Variants in GALNT1 observed in about 807,000 individuals in gnomAD.
GALNT1 encodes GalNAc transferase 1.
In GALNT1, 17 loss-of-function variants were observed where a neutral mutation model predicts 65.7. The observed-to-expected ratio is 0.26, with a 90% CI of 0.18 to 0.39. The LOEUF (loss-of-function observed/expected upper bound fraction) is 0.39. GALNT1 is among the 10% of genes least tolerant of loss of function. The probability of loss-of-function intolerance (pLI) is 1.00; values close to 1 mark genes in which losing one functional copy is unlikely to be tolerated. For synonymous variants in GALNT1, 210 were observed against 219.7 expected (o/e 0.96, Z 0.39); for missense variants, 460 against 672.8 (o/e 0.68, Z 3.50).
At chr18:35,686,128 C>T (rs11659411) in intron 5 of GALNT1, among the ~76,000 whole-genome samples, 35,832 of 151,856 alleles carry the variant, frequency 0.24, 4,822 homozygotes, top group African/African-American at 0.36. Context: ...AAATATAATG[C>T]AAAAAGAAAA....
At chr18:35,663,051 G>A (rs116084989) in intron 2 of GALNT1, among the ~76,000 whole-genome samples, 1 of 152,288 alleles carries the variant, frequency 6.6e-6, no homozygotes, top group African/African-American at 2.4e-5. Flanking sequence ...AACCACTATA[G>A]AGAGATTCAG....
intron 3 of GALNT1, among the ~76,000 whole-genome samples, chr18:35,669,049 A>G (rs994028085): frequency 2.6e-5 from 4 of 152,100 alleles, no homozygotes; most frequent in Admixed American, 6.5e-5. Flanking sequence ...AGACCATCCT[A>G]GCTAACATGG....
chr18:35,674,764 A>C (rs1312045045), intron 3 of GALNT1, among the ~76,000 whole-genome samples: 1 of 152,132 alleles, frequency 6.6e-6, no homozygotes, highest in Admixed American at 6.5e-5. Context: ...TGGGCAGATC[A>C]CGAGGTCAGA....
intron 3 of GALNT1, among the ~76,000 whole-genome samples, chr18:35,671,293 TGCAGCC>T (rs1405269536): frequency 1.3e-5 from 2 of 152,186 alleles, no homozygotes; most frequent in Non-Finnish European, 2.9e-5. Flanking sequence ...CACAGCTGAC[TGCAGCC>T]TCAACCTCCT....
At chr18:35,659,155 C>G (rs2047440715) in intron 2 of GALNT1, among the ~76,000 whole-genome samples, 1 of 152,216 alleles carries the variant, frequency 6.6e-6, no homozygotes, top group Non-Finnish European at 1.5e-5. Flanking sequence ...TCTGAACGTT[C>G]TGCTTTACAG....
At chr18:35,618,138 T>A (rs1416543480) in intron 1 of GALNT1, among the ~76,000 whole-genome samples, 3 of 152,130 alleles carry the variant, frequency 2.0e-5, no homozygotes, top group Non-Finnish European at 2.9e-5. Context: ...CTGATTTTTC[T>A]TGTGCAATGA....
intron 3 of GALNT1, among the ~76,000 whole-genome samples, chr18:35,674,844 G>T (rs1217974966): frequency 6.6e-6 from 1 of 151,932 alleles, no homozygotes; most frequent in Non-Finnish European, 1.5e-5. Flanking sequence ...TTAGTCGGGC[G>T]TGGTGGCAGG....
chr18:35,592,843 A>T (rs2046460999), intron 1 of GALNT1, among the ~76,000 whole-genome samples: 1 of 152,084 alleles, frequency 6.6e-6, no homozygotes, highest in Non-Finnish European at 1.5e-5. Flanking sequence ...TTTCTTTATC[A>T]TCATATGTAT....
At chr18:35,648,247 G>T (rs2047261947) in intron 1 of GALNT1, among the ~76,000 whole-genome samples, 1 of 152,132 alleles carries the variant, frequency 6.6e-6, no homozygotes, top group Non-Finnish European at 1.5e-5. Context: ...CACAATTTAT[G>T]TGTAAGTATG....
intron 1 of GALNT1, among the ~76,000 whole-genome samples, chr18:35,641,804 T>C (rs543043561): frequency 1.3e-5 from 2 of 152,208 alleles, no homozygotes; most frequent in African/African-American, 2.4e-5. Flanking sequence ...ATTGAAAATA[T>C]GCATACTGTG....
chr18:35,707,819 G>C (rs903284174), intron 11 of GALNT1, among the ~76,000 whole-genome samples: 2 of 152,210 alleles, frequency 1.3e-5, no homozygotes, highest in African/African-American at 4.8e-5. Flanking sequence ...TGTTTGAGAG[G>C]TTCTCTTGTT....
rs546085643 is a variant in GALNT1, at chr18:35,669,038, A to G, written c.314+5236A>G. ...GGGCGGATCATGAGGTCAGGAGATC[A>G]AGACCATCCTAGCTAACATGGTGAA... On this transcript the variant is annotated intron_variant, in intron 3 of 11. Transcript: ENST00000269195. 3.3e-5 allele frequency among the ~76,000 whole-genome samples: 5 copies of G among 152,286 alleles called. No homozygotes were observed. The East Asian group carries it at 5.8e-4, about 18-fold the overall frequency.
At chr18:35,611,099 G>A (rs1380940649) in intron 1 of GALNT1, among the ~76,000 whole-genome samples, 1 of 152,174 alleles carries the variant, frequency 6.6e-6, no homozygotes, top group East Asian at 1.9e-4. Context: ...GCTGCTGTAG[G>A]TGGATGATTT....
chr18:35,675,050 A>G (rs1269327), intron 3 of GALNT1, among the ~76,000 whole-genome samples: 51,565 of 150,678 alleles, frequency 0.34, 9,802 homozygotes, highest in Middle Eastern at 0.52. Context: ...TCACTTGGGC[A>G]AGTGTGGAAG....
At chr18:35,583,519 A>T (rs75745704) in intron 1 of GALNT1, among the ~76,000 whole-genome samples, 2,081 of 152,260 alleles carry the variant, frequency 0.014, 42 homozygotes, top group African/African-American at 0.046. Flanking sequence ...TTCCTTTTCC[A>T]GCCATGTATC....
At position 35,599,852 on chromosome 18, in the gene GALNT1, A is replaced by G. The variant is rs544907216; in HGVS notation, c.-104+17990A>G. Among the ~76,000 whole-genome samples the G allele has an allele frequency of 5.3e-5, 8 of 152,166 alleles. No homozygotes were observed. In the South Asian group the frequency reaches 1.7e-3, roughly 32 times the overall value. The stretch of plus-strand genomic sequence containing the variant: ...GTTGGCTGTAAATGCGTGGATTTCT[A>G]TCTGGGTTCTGTATTCTGTTCCATT... On this transcript the variant is annotated intron_variant, in intron 1 of 11. Transcript: ENST00000269195.
At chr18:35,596,428 A>G (rs774976645) in intron 1 of GALNT1, 2 of 152,218 alleles carry the variant, frequency 1.3e-5, no homozygotes, top group Non-Finnish European at 2.9e-5. Flanking sequence ...CTATTGAACT[A>G]TAATAGAGTT....
At chr18:35,650,655 G>C (rs952822235) in intron 1 of GALNT1, among the ~76,000 whole-genome samples, 31 of 152,180 alleles carry the variant, frequency 2.0e-4, no homozygotes, top group African/African-American at 7.2e-4. Flanking sequence ...CTTGCTGAGA[G>C]AAAGAATTCA....
intron 2 of GALNT1, among the ~76,000 whole-genome samples, chr18:35,657,052 G>A (rs1218003583): frequency 6.6e-6 from 1 of 151,950 alleles, no homozygotes; most frequent in East Asian, 1.9e-4. Context: ...ATGAAAAGGT[G>A]GATGCATGAA....
Sources: gnomAD v4.1 joint callset for allele counts (sites outside exome capture counted in the v4.1 genomes callset) on GRCh38, gnomAD v4.1.1 for gene constraint, MANE v1.5 for transcripts, NCBI Gene and HGNC (gene_info 2026-07-23, HGNC 2026-07-21) for gene names.